ADGRG5: variants seen among roughly 807,000 people sequenced by gnomAD.
ADGRG5 encodes adhesion G protein-coupled receptor G5, also known as G protein-coupled receptor 114.
A neutral mutation model predicts 53.2 loss-of-function variants in ADGRG5; 37 were observed. That is an observed-to-expected ratio of 0.70 (90% confidence interval 0.53 to 0.91). ADGRG5 has a LOEUF of 0.91. Among genes scored for constraint, ADGRG5 ranks in the 40% least tolerant of loss-of-function variants. The pLI, the probability that ADGRG5 is intolerant of heterozygous loss-of-function variation, is 0.00. For missense variants in ADGRG5, 614 were observed against 675.8 expected, an observed-to-expected ratio of 0.91 and a Z score of 1.01; for synonymous variants, 277 against 290.4, an observed-to-expected ratio of 0.95 and a Z score of 0.47.
In ADGRG5 at chr16:57,565,467, C is replaced by G. The variant is rs529167045; in HGVS notation, c.546+317C>G. On this transcript the variant is annotated intron_variant, in intron 6 of 11. Transcript: ENST00000349457. ...TGGATCCAGGGATGGATCTGATGCC[C>G]TTGTGGCTCAGTCTCTCTCCGTCTC... 4.3e-5 allele frequency: 18 copies of G among 414,436 alleles called. No individual in the cohort carries two copies. In the East Asian group the frequency reaches 6.1e-4, roughly 14 times the overall value. 25.7% of individuals were successfully genotyped at this position (414,436 alleles called of 1,614,324 possible).
chr16:57,563,013 C>T (rs1423409022), intron 3 of ADGRG5, 78 bp from the exon 4 acceptor site: 11 of 1,501,296 alleles, frequency 7.3e-6, no homozygotes, highest in Admixed American at 3.4e-5. Flanking sequence ...GCCCTGCCCT[C>T]CCAGGCTGTC....
rs201826824 is a variant in ADGRG5 at position 57,565,163 on chromosome 16, G to T, written c.546+13G>T. 1.9e-5 allele frequency: 30 copies of T among 1,553,464 alleles called. No homozygotes were observed. The highest frequency in any genetic ancestry group is 5.4e-5 in the African/African-American group (4 of 73,684). ...CAACCAAAGCCTGGTACTGCTGGGGGCGCCCCCGTTTCCACTGCACCCCTG... is the reference window on the plus strand; with the variant it reads ...CAACCAAAGCCTGGTACTGCTGGGGTCGCCCCCGTTTCCACTGCACCCCTG... On this transcript the variant is annotated intron_variant, in intron 6 of 11. Transcript: ENST00000349457.
In ADGRG5 at chr16:57,562,410, A is replaced by G. The variant is rs114089767; in HGVS notation, c.91A>G (p.Met31Val). 6.2e-6 allele frequency: 10 copies of G among 1,607,526 alleles called. No homozygotes were observed. Among genetic ancestry groups the G allele is most frequent in the South Asian group, 4.5e-5 (4 of 89,608 alleles). Reference protein sequence around the residue: ...TETWEELLSYMENMQVSRGRS... With the variant: ...TETWEELLSYVENMQVSRGRS... ...GACATGGGAAGAACTCCTGAGCTACATGGAGAATATGCAGGTGTCCAGGGG... is the reference window on the plus strand; with the variant it reads ...GACATGGGAAGAACTCCTGAGCTACGTGGAGAATATGCAGGTGTCCAGGGG... Residue 31 changes from methionine (M) to valine (V), a missense_variant, in exon 3 of 12, where the codon ATG becomes GTG. Met to Val is a conservative substitution (Grantham distance 21). Coordinates refer to ENST00000349457, the MANE Select transcript of ADGRG5 (RefSeq NM_001304376.3).
At chr16:57,564,447 G>A (rs936254701) in intron 5 of ADGRG5, among the ~76,000 whole-genome samples, 20 of 151,960 alleles carry the variant, frequency 1.3e-4, no homozygotes, top group Non-Finnish European at 2.1e-4. Context: ...GATTACAGGC[G>A]TGTGCCATCA....
chr16:57,535,800 A>AT, the ADGRG5 span, among the ~76,000 whole-genome samples: 1 of 152,168 alleles, frequency 6.6e-6, no homozygotes, highest in Non-Finnish European at 1.5e-5. Flanking sequence ...CACTAAAAAG[A>AT]TTCCTGAACG....
At chr16:57,563,350 C>T in intron 4 of ADGRG5, 103 bp downstream of exon 4, 1 of 991,508 alleles carries the variant, frequency 1.0e-6, no homozygotes, top group Non-Finnish European at 1.6e-6. Context: ...TCTTCCTCCC[C>T]ACACCCCACA....
chr16:57,533,782 ACACT>A, the ADGRG5 span, among the ~76,000 whole-genome samples: 16 of 152,322 alleles, frequency 1.1e-4, no homozygotes, highest in Admixed American at 5.2e-4. Context: ...GGTAACGCAC[ACACT>A]CACTGAGGGG....
chr16:57,564,312 A>ATT (rs5817100), intron 5 of ADGRG5, among the ~76,000 whole-genome samples: 2,666 of 139,734 alleles, frequency 0.019, 91 homozygotes, highest in African/African-American at 0.058. Flanking sequence ...GACCTTACAG[A>ATT]TTTTTTTTTT....
upstream of ADGRG5, among the ~76,000 whole-genome samples, chr16:57,537,913 T>C (rs1415790025): frequency 6.8e-6 from 1 of 146,994 alleles, no homozygotes; most frequent in African/African-American, 2.7e-5. Flanking sequence ...GGCATCCACA[T>C]TTTACAGCTG....
chr16:57,538,785 C>T (rs1309703713), upstream of ADGRG5, among the ~76,000 whole-genome samples: 1 of 152,182 alleles, frequency 6.6e-6, no homozygotes, highest in Admixed American at 6.5e-5. Flanking sequence ...ATTACTGCCA[C>T]CACTTTTTGC....
At chr16:57,544,111 C>T (rs2032559872) in intron 1 of ADGRG5, among the ~76,000 whole-genome samples, 1 of 152,120 alleles carries the variant, frequency 6.6e-6, no homozygotes, top group Non-Finnish European at 1.5e-5. Flanking sequence ...CTCAGCTGCC[C>T]AACCATCTTT....
intron 1 of ADGRG5, among the ~76,000 whole-genome samples, chr16:57,555,951 T>C (rs112485326): frequency 0.032 from 4,859 of 152,134 alleles, 189 homozygotes; most frequent in East Asian, 0.19. Flanking sequence ...TGTGTAGCAC[T>C]TCCCCCTTCT....
chr16:57,532,792 T>A, the ADGRG5 span, among the ~76,000 whole-genome samples: 3 of 151,442 alleles, frequency 2.0e-5, no homozygotes, highest in African/African-American at 7.3e-5. Context: ...GAGAAGCTCT[T>A]GGAAAAGAAA....
At chr16:57,534,036 G>T in the ADGRG5 span, among the ~76,000 whole-genome samples, 56,545 of 151,974 alleles carry the variant, frequency 0.37, 10,874 homozygotes, top group African/African-American at 0.46. Flanking sequence ...AGCCAGACAG[G>T]TCTATTACTG....
chr16:57,574,786 T>C lies in ADGRG5; in HGVS notation c.1209-29T>C, dbSNP rs1228857831. 2 of 1,538,464 alleles carry C rather than the reference T, an allele frequency of 1.3e-6. No homozygotes were observed. The highest frequency in any genetic ancestry group is 2.5e-5 in the South Asian group (2 of 79,894). ...CTCCCCGCGGGCCTGGGAGCCACTG[T>C]GAGCCTGACACGTCACCCTCCCCTG... On this transcript the variant is annotated intron_variant, in intron 10 of 11. Coordinates refer to ENST00000349457, the MANE Select transcript of ADGRG5 (RefSeq NM_001304376.3). The surrounding 1 kb of genome is among the most constrained non-coding windows in gnomAD (Gnocchi z 4.4).
At chr16:57,533,372 C>A in the ADGRG5 span, among the ~76,000 whole-genome samples, 1 of 152,028 alleles carries the variant, frequency 6.6e-6, no homozygotes, top group Non-Finnish European at 1.5e-5. Context: ...CCACATAGAC[C>A]CAAGGGCAGC....
intron 10 of ADGRG5, 80 bp downstream of exon 10, chr16:57,570,615 C>A: frequency 9.7e-7 from 1 of 1,033,494 alleles, no homozygotes; most frequent in Non-Finnish European, 1.5e-6. Context: ...AATGGAATAT[C>A]CTGTAGGCAA....
chr16:57,572,124 T>TA (rs1274839905), intron 10 of ADGRG5, among the ~76,000 whole-genome samples: 9 of 151,590 alleles, frequency 5.9e-5, no homozygotes, highest in Non-Finnish European at 1.0e-4. Context: ...TTTTTTTTTT[T>TA]AATTTAAAAC....
At chr16:57,531,832 T>C in the ADGRG5 span, among the ~76,000 whole-genome samples, 5 of 152,220 alleles carry the variant, frequency 3.3e-5, no homozygotes, top group Admixed American at 2.6e-4. Flanking sequence ...ACGCCAACCC[T>C]GTTCCCTCCA....
Sources: allele counts gnomAD v4.1 joint callset (sites outside exome capture counted in the v4.1 genomes callset), GRCh38; gene constraint gnomAD v4.1.1; non-coding constraint Gnocchi (gnomAD v3.1); transcripts MANE v1.5; gene names NCBI Gene and HGNC (gene_info 2026-07-23, HGNC 2026-07-21).